Variants in PDZRN4 observed in about 807,000 individuals in gnomAD.
PDZRN4 encodes the protein PDZ domain containing ring finger 4.
In PDZRN4, 70 loss-of-function variants were observed where a neutral mutation model predicts 99.0. That is an observed-to-expected ratio of 0.71 (90% CI 0.58 to 0.86). The LOEUF (loss-of-function observed/expected upper bound fraction) is 0.86, where lower values mean the gene tolerates loss of function less well. PDZRN4 is among the 40% of genes least tolerant of loss of function. PDZRN4 has a pLI of 0.00. For missense variants in PDZRN4, 1,474 were observed against 1,331.2 expected, an observed-to-expected ratio of 1.11 and a Z score of -1.67; for synonymous variants, 551 against 501.6, an observed-to-expected ratio of 1.10 and a Z score of -1.32.
At chr12:41,197,837 A>G (rs1454000950) in intron 3 of PDZRN4, among the ~76,000 whole-genome samples, 1 of 151,988 alleles carries the variant, frequency 6.6e-6, no homozygotes, top group Admixed American at 6.6e-5. Context: ...GAGTTGAGAA[A>G]CAAAGTTCAC....
intron 5 of PDZRN4, among the ~76,000 whole-genome samples, chr12:41,520,316 G>A (rs980870409): frequency 2.0e-5 from 3 of 151,816 alleles, no homozygotes; most frequent in Non-Finnish European, 2.9e-5. Context: ...TTTGGGTTCC[G>A]CCAAAAGTCT....
chr12:41,507,964 A>ATTCATTAATATAATATT (rs1467893532), intron 4 of PDZRN4, among the ~76,000 whole-genome samples: 6 of 152,178 alleles, frequency 3.9e-5, no homozygotes, highest in Admixed American at 6.6e-5. Context: ...ATTCATTAAT[A>ATTCATTAATATAATATT]CAGCCTAAAA....
intron 3 of PDZRN4, among the ~76,000 whole-genome samples, chr12:41,335,404 T>C (rs1446779607): frequency 6.6e-6 from 1 of 152,090 alleles, no homozygotes; most frequent in Non-Finnish European, 1.5e-5. Context: ...TATCATTCTA[T>C]GTTATTGCAC....
Position 41,552,778 on chromosome 12 carries a change from A to C in PDZRN4, c.1302+24A>C, listed in dbSNP as rs778636267. ...AGGTAAGAAACGCCATGGAGGGGAAATTCGAGGAGGGAGACTAGGAAGAAC... is the reference window on the plus strand; with the variant it reads ...AGGTAAGAAACGCCATGGAGGGGAACTTCGAGGAGGGAGACTAGGAAGAAC... On this transcript the variant is annotated intron_variant, in intron 6 of 9. Transcript: ENST00000402685. 4.4e-5 allele frequency: 68 copies of C among 1,558,044 alleles called. No individual in the cohort carries two copies. The Admixed American group carries it at 1.1e-3, about 25-fold the overall frequency.
chr12:41,312,786 A>C (rs891796626), intron 3 of PDZRN4, among the ~76,000 whole-genome samples: 1 of 151,966 alleles, frequency 6.6e-6, no homozygotes, highest in Admixed American at 6.6e-5. Context: ...ATTACAATTC[A>C]AGGTGAGATT....
At chr12:41,292,002 G>C (rs1951459621) in intron 3 of PDZRN4, among the ~76,000 whole-genome samples, 1 of 152,160 alleles carries the variant, frequency 6.6e-6, no homozygotes, top group African/African-American at 2.4e-5. Context: ...TAAAGGATCT[G>C]CATCCACCCA....
intron 3 of PDZRN4, among the ~76,000 whole-genome samples, chr12:41,396,208 C>T (rs1952244593): frequency 6.6e-6 from 1 of 152,012 alleles, no homozygotes; most frequent in Non-Finnish European, 1.5e-5. Flanking sequence ...CGTTTTCTGC[C>T]ACTTCATAAT....
At chr12:41,421,316 AAC>A (rs1952488146) in intron 3 of PDZRN4, among the ~76,000 whole-genome samples, 1 of 152,046 alleles carries the variant, frequency 6.6e-6, no homozygotes, top group Middle Eastern at 3.2e-3. Flanking sequence ...CTCCTGCCTC[AAC>A]TTCCTGAGTA....
chr12:41,516,024 C>T (rs188762887), intron 5 of PDZRN4, among the ~76,000 whole-genome samples: 1 of 152,058 alleles, frequency 6.6e-6, no homozygotes, highest in East Asian at 1.9e-4. Context: ...TTTCTTTGTG[C>T]CTTTGCTCAT....
chr12:41,555,877 C>T (rs1348961480), intron 7 of PDZRN4, 117 bp downstream of exon 7: 1 of 786,942 alleles, frequency 1.3e-6, no homozygotes, highest in Non-Finnish European at 2.1e-6. Flanking sequence ...ATACTAACAT[C>T]TACAAAACCA....
intron 3 of PDZRN4, among the ~76,000 whole-genome samples, chr12:41,500,027 G>A (rs1369324674): frequency 1.3e-5 from 2 of 151,944 alleles, no homozygotes; most frequent in African/African-American, 4.8e-5. Flanking sequence ...TAATAGGTTA[G>A]GCAACAGTCT....
At chr12:41,392,518 G>A (rs1217875313) in intron 3 of PDZRN4, among the ~76,000 whole-genome samples, 2 of 152,082 alleles carry the variant, frequency 1.3e-5, no homozygotes, top group East Asian at 1.9e-4. Context: ...GCACTAGAAG[G>A]CTCCATATTA....
chr12:41,261,150 A>AG (rs1277136751), intron 3 of PDZRN4, among the ~76,000 whole-genome samples: 3 of 152,216 alleles, frequency 2.0e-5, no homozygotes, highest in South Asian at 4.1e-4. Flanking sequence ...CAAATTTTCT[A>AG]GGGGTTCAGG....
At chr12:41,492,181 C>T (rs1937900230) in intron 3 of PDZRN4, among the ~76,000 whole-genome samples, 1 of 152,102 alleles carries the variant, frequency 6.6e-6, no homozygotes, top group South Asian at 2.1e-4. Flanking sequence ...TTAAGTTTTA[C>T]ACATTAAAAC....
intron 3 of PDZRN4, among the ~76,000 whole-genome samples, chr12:41,364,216 A>G (rs182134917): frequency 4.5e-4 from 69 of 152,110 alleles, no homozygotes; most frequent in Non-Finnish European, 5.9e-5. Flanking sequence ...TTTTTCTGGG[A>G]TAATTCTGGT....
intron 3 of PDZRN4, among the ~76,000 whole-genome samples, chr12:41,429,255 T>C (rs550826174): frequency 1.3e-5 from 2 of 152,264 alleles, no homozygotes; most frequent in South Asian, 2.1e-4. Flanking sequence ...AGATGTAAAA[T>C]GACTGCCCTA....
intron 3 of PDZRN4, among the ~76,000 whole-genome samples, chr12:41,210,289 C>G (rs996432160): frequency 6.6e-6 from 1 of 152,004 alleles, no homozygotes; most frequent in Admixed American, 6.6e-5. Flanking sequence ...TTCTCCCATT[C>G]TGTTGGTTGC....
intron 3 of PDZRN4, among the ~76,000 whole-genome samples, chr12:41,374,376 C>G (rs970075175): frequency 2.6e-5 from 4 of 152,066 alleles, no homozygotes; most frequent in African/African-American, 4.8e-5. Flanking sequence ...GGGATAGTGA[C>G]AGTGCATGAT....
At chr12:41,531,457 G>A (rs535336944) in intron 5 of PDZRN4, among the ~76,000 whole-genome samples, 7 of 152,240 alleles carry the variant, frequency 4.6e-5, no homozygotes, top group Non-Finnish European at 7.4e-5. Flanking sequence ...ATCTTCTTCC[G>A]CCAATCTGCT....
Sources: gnomAD v4.1 joint callset for allele counts (sites outside exome capture counted in the v4.1 genomes callset) on GRCh38, gnomAD v4.1.1 for gene constraint, MANE v1.5 for transcripts, NCBI Gene and HGNC (gene_info 2026-07-23, HGNC 2026-07-21) for gene names.